TMEM260: variants seen among roughly 807,000 people sequenced by gnomAD.
TMEM260 encodes transmembrane protein 260, also known as protein O-mannosyl-transferase TMEM260.
A neutral mutation model predicts 88.9 loss-of-function variants in TMEM260; 82 were observed. The observed-to-expected ratio is 0.92, with a 90% CI of 0.77 to 1.11. The LOEUF is 1.11. Among genes scored for constraint, TMEM260 ranks in the 50% least tolerant of loss-of-function variants. The probability of loss-of-function intolerance (pLI) is 0.00; values close to 1 mark genes in which losing one functional copy is unlikely to be tolerated. For missense variants in TMEM260, 902 were observed against 853.4 expected, an observed-to-expected ratio of 1.06 and a Z score of -0.71; for synonymous variants, 314 against 309.3, an observed-to-expected ratio of 1.02 and a Z score of -0.16.
intron 11 of TMEM260, among the ~76,000 whole-genome samples, chr14:56,623,598 C>A (rs1032847674): frequency 1.3e-5 from 2 of 152,136 alleles, no homozygotes; most frequent in African/African-American, 2.4e-5. Context: ...AGAAGGTATT[C>A]ACTGTTGAGT....
At chr14:56,604,764 G>A (rs574465359) in intron 4 of TMEM260, among the ~76,000 whole-genome samples, 1 of 152,322 alleles carries the variant, frequency 6.6e-6, no homozygotes, top group South Asian at 2.1e-4. Context: ...GGGTTTTGTA[G>A]TAGGGGAAAG....
At chr14:56,590,382 C>G (rs1416297821) in intron 3 of TMEM260, among the ~76,000 whole-genome samples, 1 of 152,182 alleles carries the variant, frequency 6.6e-6, no homozygotes, top group Non-Finnish European at 1.5e-5. Context: ...TTTGATATCA[C>G]CAGGTATCCT....
chr14:56,603,106 T>C (rs1886676397), intron 3 of TMEM260, among the ~76,000 whole-genome samples: 1 of 152,216 alleles, frequency 6.6e-6, no homozygotes, highest in Admixed American at 6.5e-5. Flanking sequence ...GATTCCTGAT[T>C]GTTTTAAATG....
At chr14:56,641,041 G>C (rs971057031) in intron 15 of TMEM260, among the ~76,000 whole-genome samples, 3 of 151,946 alleles carry the variant, frequency 2.0e-5, no homozygotes, top group African/African-American at 7.3e-5. Flanking sequence ...ATGTCTGATT[G>C]GTGTACCTGA....
downstream of TMEM260, among the ~76,000 whole-genome samples, chr14:56,651,086 A>G (rs1274488998): frequency 6.6e-6 from 1 of 152,184 alleles, no homozygotes; most frequent in East Asian, 1.9e-4. Context: ...TAATGTTTCC[A>G]GGGATTCTGG....
At chr14:56,589,270 G>A (rs1005660508) in intron 3 of TMEM260, among the ~76,000 whole-genome samples, 12 of 151,986 alleles carry the variant, frequency 7.9e-5, no homozygotes, top group African/African-American at 2.7e-4. Context: ...ATTTATTTTG[G>A]TAGTTACAGT....
At chr14:56,640,196 C>T (rs999237124) in intron 15 of TMEM260, among the ~76,000 whole-genome samples, 12 of 152,194 alleles carry the variant, frequency 7.9e-5, no homozygotes, top group African/African-American at 2.7e-4. Context: ...CAGACTGCCT[C>T]CTCAAGTGGG....
chr14:56,623,085 G>A (rs538796918), intron 11 of TMEM260, among the ~76,000 whole-genome samples: 10 of 152,228 alleles, frequency 6.6e-5, no homozygotes, highest in African/African-American at 2.4e-4. Context: ...TGTGACATGG[G>A]GCTAATGATT....
rs71448489 is a variant in TMEM260, at chr14:56,622,342, CAA to C, written c.1398+662_1398+663del. Among the ~76,000 whole-genome samples the C allele has an allele frequency of 4.2e-3, 364 of 87,238 alleles. 2 individuals are homozygous for C. Among genetic ancestry groups the C allele is most frequent in the African/African-American group, 0.017 (349 of 20,588 alleles). 57.2% of individuals were successfully genotyped at this position (87,238 alleles called of 152,430 possible). ...TGGGCAACAGGGCGAGACTCCGTCT[CAA>C]AAAAAAAAAAAAAAAAAAAAATTGT... On this transcript the variant is annotated intron_variant, in intron 11 of 15. Coordinates refer to ENST00000261556, the MANE Select transcript of TMEM260 (RefSeq NM_017799.4).
intron 10 of TMEM260, among the ~76,000 whole-genome samples, chr14:56,619,808 A>C (rs755323248): frequency 2.8e-4 from 43 of 152,214 alleles, no homozygotes; most frequent in Non-Finnish European, 5.0e-4. Flanking sequence ...AAGGAATATA[A>C]ATCATTCTAA....
chr14:56,596,784 T>TAAAAAAA (rs764574288), intron 3 of TMEM260, among the ~76,000 whole-genome samples: 9 of 114,310 alleles, frequency 7.9e-5, no homozygotes, highest in African/African-American at 3.3e-4. Context: ...AAAAAAAAAT[T>TAAAAAAA]AAAAAAAAAA....
chr14:56,644,060 G>T (rs746235792), intron 15 of TMEM260, among the ~76,000 whole-genome samples: 83 of 152,198 alleles, frequency 5.5e-4, no homozygotes, highest in African/African-American at 1.2e-3. Flanking sequence ...AGAATCAATT[G>T]CGTGAAAATG....
the TMEM260 span, among the ~76,000 whole-genome samples, chr14:56,661,469 C>T: frequency 7.4e-6 from 1 of 135,968 alleles, no homozygotes; most frequent in South Asian, 2.3e-4. Flanking sequence ...AATGGATAGA[C>T]AGACAGGTAG....
chr14:56,637,183 A>G (rs145575771), intron 15 of TMEM260, among the ~76,000 whole-genome samples: 1 of 152,330 alleles, frequency 6.6e-6, no homozygotes, highest in African/African-American at 2.4e-5. Flanking sequence ...GTGTGAGATA[A>G]TAAATGTATG....
chr14:56,601,662 T>C (rs1401543897), intron 3 of TMEM260, among the ~76,000 whole-genome samples: 2 of 152,190 alleles, frequency 1.3e-5, no homozygotes, highest in East Asian at 3.8e-4. Context: ...CTACAATTAT[T>C]AGTGACTTTC....
chr14:56,643,673 G>T (rs1459716078), intron 15 of TMEM260, among the ~76,000 whole-genome samples: 1 of 152,176 alleles, frequency 6.6e-6, no homozygotes, highest in Non-Finnish European at 1.5e-5. Flanking sequence ...AGTCAGGCAG[G>T]AGAAGGAAAT....
rs1886001916 is a variant in TMEM260, at chr14:56,593,586, T to G, written c.344+7674T>G. Reference sequence around the variant, plus strand: ...ATTTTGAATAATCTATATCAGTGCTTTCCTCCGTTATTATGAGATCTTAGA... The same window carrying G: ...ATTTTGAATAATCTATATCAGTGCTGTCCTCCGTTATTATGAGATCTTAGA... On this transcript the variant is annotated intron_variant, in intron 3 of 15. Coordinates refer to ENST00000261556, the MANE Select transcript of TMEM260 (RefSeq NM_017799.4). Among the ~76,000 whole-genome samples the G allele has an allele frequency of 2.0e-5, 3 of 151,930 alleles. No homozygotes were observed. In the South Asian group the frequency reaches 6.2e-4, roughly 32 times the overall value.
At chr14:56,656,290 G>A in the TMEM260 span, among the ~76,000 whole-genome samples, 6 of 152,136 alleles carry the variant, frequency 3.9e-5, no homozygotes, top group African/African-American at 9.6e-5. Context: ...ATGGTGTCGT[G>A]TGCCTGTGGT....
rs142968776 is a variant in TMEM260, at chr14:56,585,824, C to A, written c.256C>A (p.Pro86Thr). The A allele has an allele frequency of 4.3e-6, 7 of 1,613,554 alleles. No individual in the cohort carries two copies. In the African/African-American group the frequency reaches 6.7e-5, roughly 15 times the overall value. ...LVAKLAITLFPFGSIAYRVNL... is the reference protein window; with the variant it reads ...LVAKLAITLFTFGSIAYRVNL... ...GGCTAAACTGGCAATTACACTGTTT[C>A]CTTTTGGTTCAATTGCCTACCGCGT... is the stretch of plus-strand genomic sequence containing the variant. Residue 86 changes from proline (P) to threonine (T), a missense_variant, in exon 3 of 16, where the codon CCT (proline) becomes ACT (threonine). Coordinates refer to ENST00000261556, the MANE Select transcript of TMEM260 (RefSeq NM_017799.4).
Sources: gnomAD v4.1 joint callset for allele counts (sites outside exome capture counted in the v4.1 genomes callset) on GRCh38, gnomAD v4.1.1 for gene constraint, MANE v1.5 for transcripts, NCBI Gene and HGNC (gene_info 2026-07-23, HGNC 2026-07-21) for gene names.